JADE3: variants seen among roughly 807,000 people sequenced by gnomAD.
JADE3 encodes protein Jade-3.
Under a neutral mutation model 50.1 loss-of-function variants are expected in JADE3, and 2 were observed. The ratio of observed to expected loss-of-function variants is 0.04; its 90% confidence interval spans 0.02 to 0.13. JADE3 has a LOEUF of 0.13. Ranked by LOEUF, JADE3 falls within the 10% of genes least tolerant of loss-of-function variation. The pLI, the probability that JADE3 is intolerant of heterozygous loss-of-function variation, is 1.00. For synonymous variants in JADE3, 218 were observed against 232.9 expected (o/e 0.94, Z 0.58); for missense variants, 475 against 634.4 (o/e 0.75, Z 2.70).
At chrX:46,918,821 A>G (rs1045325631) in intron 1 of JADE3, among the ~76,000 whole-genome samples, 19 of 112,307 alleles carry the variant, frequency 1.7e-4, no homozygotes, top group African/African-American at 6.2e-4. Context: ...AGCAAGCACC[A>G]GTGCACAAGC....
intron 3 of JADE3, among the ~76,000 whole-genome samples, chrX:46,997,605 T>G (rs1928160607): frequency 8.9e-6 from 1 of 112,315 alleles, no homozygotes; most frequent in Non-Finnish European, 1.9e-5. Flanking sequence ...TAGTTAATAG[T>G]ATTATAGCAT....
chrX:46,983,861 A>G (rs1602395519), intron 1 of JADE3, among the ~76,000 whole-genome samples: 2 of 110,943 alleles, frequency 1.8e-5, no homozygotes, highest in Admixed American at 1.9e-4. Context: ...AGCTGCTCAC[A>G]CTGTTATGCC....
chrX:46,977,045 G>A (rs1927642530), intron 1 of JADE3, among the ~76,000 whole-genome samples: 1 of 111,870 alleles, frequency 8.9e-6, no homozygotes, highest in African/African-American at 3.3e-5. Flanking sequence ...ACAAAAAGCT[G>A]TACATAGTTA....
At chrX:46,930,299 T>G (rs1256126332) in intron 1 of JADE3, among the ~76,000 whole-genome samples, 1 of 111,964 alleles carries the variant, frequency 8.9e-6, no homozygotes, top group Admixed American at 9.5e-5. Context: ...CCATCAGATA[T>G]GTGAGTGAAG....
At chrX:46,952,373 A>G (rs1432764012) in intron 1 of JADE3, among the ~76,000 whole-genome samples, 1 of 111,898 alleles carries the variant, frequency 8.9e-6, no homozygotes, top group Non-Finnish European at 1.9e-5. Flanking sequence ...TTCAGTATTC[A>G]ATGGCTTTGC....
chrX:46,928,498 C>T (rs1216491126), intron 1 of JADE3, among the ~76,000 whole-genome samples: 1 of 112,099 alleles, frequency 8.9e-6, no homozygotes, highest in Non-Finnish European at 1.9e-5. Flanking sequence ...CTGAAGGGGA[C>T]TTGCTGCCTC....
At chrX:46,941,260 T>C (rs1465393843) in intron 1 of JADE3, among the ~76,000 whole-genome samples, 1 of 112,091 alleles carries the variant, frequency 8.9e-6, no homozygotes, top group Non-Finnish European at 1.9e-5. Flanking sequence ...TTCTTTTTTA[T>C]GGCTACATAG....
At chrX:47,037,369 G>GT in intron 7 of JADE3, among the ~76,000 whole-genome samples, 1 of 112,299 alleles carries the variant, frequency 8.9e-6, no homozygotes. Context: ...CACTCCCTCT[G>GT]TTTTTTATCC....
chrX:47,019,398 G>A (rs782168139), intron 4 of JADE3, among the ~76,000 whole-genome samples: 3 of 110,854 alleles, frequency 2.7e-5, no homozygotes, highest in African/African-American at 9.9e-5. Context: ...TTATTTGTGT[G>A]TTTAGAGATA....
intron 1 of JADE3, among the ~76,000 whole-genome samples, chrX:46,978,910 G>A (rs782469003): frequency 2.7e-5 from 3 of 112,010 alleles, no homozygotes; most frequent in Admixed American, 9.5e-5. Flanking sequence ...AATAAATAGA[G>A]ATATAAAGAT....
intron 4 of JADE3, among the ~76,000 whole-genome samples, chrX:47,020,371 A>G (rs1384930298): frequency 9.0e-6 from 1 of 110,935 alleles, no homozygotes; most frequent in Admixed American, 9.6e-5. Flanking sequence ...GTACATAGCC[A>G]AGAAAGAAAA....
chrX:46,949,161 A>G (rs1203491793), intron 1 of JADE3, among the ~76,000 whole-genome samples: 1 of 109,153 alleles, frequency 9.2e-6, no homozygotes, highest in East Asian at 2.9e-4. Context: ...CTGGTCTCAA[A>G]CTCCTGGGCT....
At chrX:46,988,028 T>C (rs1276464793) in intron 3 of JADE3, among the ~76,000 whole-genome samples, 1 of 112,246 alleles carries the variant, frequency 8.9e-6, no homozygotes, top group Non-Finnish European at 1.9e-5. Flanking sequence ...ATGGACATTA[T>C]CATACCTATC....
At chrX:46,985,634 G>A (rs1927843985) in intron 2 of JADE3, 79 bp from the exon 3 acceptor site, 1 of 631,806 alleles carries the variant, frequency 1.6e-6, no homozygotes, top group African/African-American at 2.2e-5. Flanking sequence ...TATTCTCTTG[G>A]GTGACATTTA....
intron 1 of JADE3, among the ~76,000 whole-genome samples, chrX:46,971,931 G>C (rs1458332500): frequency 9.1e-6 from 1 of 110,208 alleles, no homozygotes; most frequent in Non-Finnish European, 1.9e-5. Flanking sequence ...AGAAATTAGG[G>C]ATTGGGGTGG....
chrX:46,918,293 A>T (rs782252164), intron 1 of JADE3, among the ~76,000 whole-genome samples: 4 of 112,250 alleles, frequency 3.6e-5, no homozygotes, highest in Non-Finnish European at 7.5e-5. Flanking sequence ...ACTATCGAGT[A>T]TAAGACTTTG....
chrX:46,933,821 C>T (rs1374215987), intron 1 of JADE3, among the ~76,000 whole-genome samples: 2 of 110,964 alleles, frequency 1.8e-5, no homozygotes, highest in African/African-American at 6.6e-5. Flanking sequence ...CCAGCTTCTG[C>T]CCCAGGATGT....
chrX:47,016,303 G>T (rs1556362890), intron 4 of JADE3, among the ~76,000 whole-genome samples: 1 of 111,772 alleles, frequency 8.9e-6, no homozygotes, highest in African/African-American at 3.3e-5. Context: ...GCATTACAAA[G>T]TCAAAGCTAT....
At chrX:46,954,459 C>T (rs1374089862) in intron 1 of JADE3, among the ~76,000 whole-genome samples, 1 of 112,177 alleles carries the variant, frequency 8.9e-6, no homozygotes, top group Non-Finnish European at 1.9e-5. Flanking sequence ...GAAGGAAATC[C>T]TAAACGAGCA....
Sources: allele counts gnomAD v4.1 joint callset (sites outside exome capture counted in the v4.1 genomes callset), GRCh38; gene constraint gnomAD v4.1.1; transcripts MANE v1.5; gene names NCBI Gene and HGNC (gene_info 2026-07-23, HGNC 2026-07-21).